The following TNRC6C variants were observed in gnomAD, a reference collection of about 807,000 sequenced individuals.
TNRC6C encodes the protein trinucleotide repeat containing adaptor 6C.
In TNRC6C, 20 loss-of-function variants were observed where a neutral mutation model predicts 153.7. The ratio of observed to expected loss-of-function variants is 0.13; its 90% CI spans 0.09 to 0.19. The LOEUF is 0.19. Among genes scored for constraint, TNRC6C ranks in the 10% least tolerant of loss-of-function variants. The pLI, the probability that TNRC6C is intolerant of heterozygous loss-of-function variation, is 1.00. For synonymous variants in TNRC6C, 811 were observed against 841.4 expected (o/e 0.96, Z 0.63); for missense variants, 1,987 against 2,172.0 (o/e 0.91, Z 1.69).
At position 78,049,833 on chromosome 17, in the gene TNRC6C, C is replaced by T. The variant is rs1249623735; in HGVS notation, c.771C>T (p.Ala257=). The change falls in exon 3 of 20, where the codon GCC becomes GCT. Residue 257 remains alanine (A), a synonymous_variant. Transcript: ENST00000301624. This position sits in a 1 kb window ranked among gnomAD's most constrained non-coding sequence, Gnocchi z 4.1. The stretch of plus-strand genomic sequence containing the variant: ...GGGGACTGTCCCCAGGTAACCCTGC[C>T]ACAGGAAATAGCAATTCTGGGTTCA... 6.2e-7 allele frequency: 1 copy of T among 1,613,198 alleles called. No homozygotes were observed. Among genetic ancestry groups the T allele is most frequent in the Non-Finnish European group, 8.5e-7 (1 of 1,179,354 alleles).
At chr17:77,981,881 T>G (rs2071083189) in intron 1 of TNRC6C, among the ~76,000 whole-genome samples, 1 of 152,184 alleles carries the variant, frequency 6.6e-6, no homozygotes, top group Non-Finnish European at 1.5e-5. Flanking sequence ...TAGCCCTTGA[T>G]AGAAGAGATT....
At chr17:78,025,004 G>T (rs1375618298) in intron 1 of TNRC6C, among the ~76,000 whole-genome samples, 1 of 151,852 alleles carries the variant, frequency 6.6e-6, no homozygotes, top group Non-Finnish European at 1.5e-5. Context: ...ATGTTAGCCA[G>T]TGTGATCTCA....
At chr17:77,959,740 A>G (rs2070845800) in intron 1 of TNRC6C, among the ~76,000 whole-genome samples, 1 of 152,030 alleles carries the variant, frequency 6.6e-6, no homozygotes, top group Non-Finnish European at 1.5e-5. Flanking sequence ...TGCGGCTCTG[A>G]AATCAGGTGG....
At chr17:78,077,360 CA>C in intron 9 of TNRC6C, 26 bp downstream of exon 11, 3 of 1,561,146 alleles carry the variant, frequency 1.9e-6, no homozygotes, top group Non-Finnish European at 2.6e-6. Context: ...GAGAGCAAAA[CA>C]TGGCCTTTGT....
chr17:78,095,960 A>C (rs1779987854), intron 16 of TNRC6C, among the ~76,000 whole-genome samples: 1 of 152,214 alleles, frequency 6.6e-6, no homozygotes, highest in Non-Finnish European at 1.5e-5. Flanking sequence ...CTGAGACAGG[A>C]GAATCACTTG....
chr17:78,096,930 C>G (rs772828471), intron 16 of TNRC6C, among the ~76,000 whole-genome samples: 8 of 152,212 alleles, frequency 5.3e-5, no homozygotes. Context: ...CCCATTTATC[C>G]TAAGTCTCCC....
At chr17:78,048,642 A>G (rs1269576795) in intron 2 of TNRC6C, among the ~76,000 whole-genome samples, 1 of 152,218 alleles carries the variant, frequency 6.6e-6, no homozygotes, top group Non-Finnish European at 1.5e-5. Context: ...GTAAGAATTG[A>G]TATAATTTTA....
At position 78,098,553 on chromosome 17, in the gene TNRC6C, C is replaced by T. The variant is rs2144624754; in HGVS notation, c.4501+16C>T. ...TACTCCTCGGGTAAGCTCCATGCTCCTCGTGTTCCGATGGGGGCCTTACCC... is the reference window on the plus strand; with the variant it reads ...TACTCCTCGGGTAAGCTCCATGCTCTTCGTGTTCCGATGGGGGCCTTACCC... On this transcript the variant is annotated intron_variant, in intron 17 of 19. Coordinates refer to ENST00000301624, the Ensembl canonical transcript of TNRC6C. 6.2e-7 allele frequency: 1 copy of T among 1,606,814 alleles called. No individual in the cohort carries two copies.
intron 11 of TNRC6C, among the ~76,000 whole-genome samples, chr17:78,083,898 T>C (rs2073227172): frequency 6.6e-6 from 1 of 152,228 alleles, no homozygotes; most frequent in Non-Finnish European, 1.5e-5. Flanking sequence ...TGAAATTATA[T>C]ACACTAAAAG....
chr17:77,961,367 G>T (rs891945044), intron 1 of TNRC6C, among the ~76,000 whole-genome samples: 1 of 152,134 alleles, frequency 6.6e-6, no homozygotes, highest in Non-Finnish European at 1.5e-5. Flanking sequence ...TGTTGGCCAG[G>T]CTGGTCTCGA....
At chr17:78,022,201 A>G (rs1370428000) in intron 1 of TNRC6C, among the ~76,000 whole-genome samples, 1 of 152,186 alleles carries the variant, frequency 6.6e-6, no homozygotes, top group Non-Finnish European at 1.5e-5. Flanking sequence ...GTCCTGCCCT[A>G]CTCACATAAC....
intron 2 of TNRC6C, among the ~76,000 whole-genome samples, chr17:78,044,202 G>A (rs1253478116): frequency 6.6e-6 from 1 of 152,130 alleles, no homozygotes; most frequent in East Asian, 1.9e-4. Context: ...TAACTTCTCT[G>A]AATAGATAAC....
intron 3 of TNRC6C, among the ~76,000 whole-genome samples, chr17:78,056,885 AT>A (rs918777029): frequency 1.5e-5 from 2 of 137,228 alleles, no homozygotes; most frequent in African/African-American, 5.3e-5. Flanking sequence ...ATATTTATAG[AT>A]TTTTTTAAAC....
intron 3 of TNRC6C, among the ~76,000 whole-genome samples, chr17:78,054,203 C>G (rs1411547982): frequency 6.6e-6 from 1 of 152,160 alleles, no homozygotes; most frequent in East Asian, 1.9e-4. Context: ...CTGTATAGGG[C>G]ACTTACCATG....
chr17:78,050,607 C>T (rs145563322), exon 3 of TNRC6C: 154 of 1,581,306 alleles, frequency 9.7e-5, no homozygotes, highest in East Asian at 1.3e-4. Context: ...CGCCACCTGC[C>T]GCTGTGCCAG....
At chr17:77,992,666 A>G (rs2071269706) in intron 1 of TNRC6C, among the ~76,000 whole-genome samples, 1 of 152,170 alleles carries the variant, frequency 6.6e-6, no homozygotes, top group African/African-American at 2.4e-5. Flanking sequence ...AATAAAGCCT[A>G]CCCTGGCACA....
chr17:78,084,326 A>C (rs1005927202), intron 11 of TNRC6C, among the ~76,000 whole-genome samples: 1 of 151,120 alleles, frequency 6.6e-6, no homozygotes, highest in African/African-American at 2.4e-5. Flanking sequence ...TGAAGGAGAA[A>C]AAAAAAAAAA....
chr17:78,053,117 A>G (rs934128797), intron 3 of TNRC6C, among the ~76,000 whole-genome samples: 1 of 152,046 alleles, frequency 6.6e-6, no homozygotes, highest in Non-Finnish European at 1.5e-5. Context: ...ACGGTTCCCA[A>G]CACTGAGGCT....
chr17:77,990,020 CGAGGT>C (rs1567903489), intron 1 of TNRC6C, among the ~76,000 whole-genome samples: 1 of 152,220 alleles, frequency 6.6e-6, no homozygotes, highest in Non-Finnish European at 1.5e-5. Flanking sequence ...ATCTCAAACG[CGAGGT>C]GTCCTTCTCC....
Sources: allele counts gnomAD v4.1 joint callset (sites outside exome capture counted in the v4.1 genomes callset), GRCh38; gene constraint gnomAD v4.1.1; non-coding constraint Gnocchi (gnomAD v3.1); transcripts MANE v1.5; gene names NCBI Gene and HGNC (gene_info 2026-07-23, HGNC 2026-07-21).